UNC5C: variants seen among roughly 807,000 people sequenced by gnomAD.
UNC5C encodes the protein netrin receptor UNC5C.
In UNC5C, 47 loss-of-function variants were observed where a neutral mutation model predicts 99.8. That is an observed-to-expected ratio of 0.47 (90% CI 0.37 to 0.60). UNC5C has a LOEUF of 0.60. UNC5C is among the 20% of genes least tolerant of loss of function. The pLI is 0.00. For missense variants in UNC5C, 1,062 were observed against 1,165.9 expected, an observed-to-expected ratio of 0.91 and a Z score of 1.30; for synonymous variants, 487 against 452.2, an observed-to-expected ratio of 1.08 and a Z score of -0.98.
intron 12 of UNC5C, among the ~76,000 whole-genome samples, chr4:95,188,572 C>G (rs1056723309): frequency 7.9e-5 from 12 of 152,220 alleles, no homozygotes; most frequent in Non-Finnish European, 1.3e-4. Flanking sequence ...GAGATTTACT[C>G]CAGCAGATTC....
At chr4:95,292,472 G>A (rs1741512782) in intron 3 of UNC5C, among the ~76,000 whole-genome samples, 1 of 152,002 alleles carries the variant, frequency 6.6e-6, no homozygotes, top group South Asian at 2.1e-4. Flanking sequence ...GATATTTCTT[G>A]AGTCCCTACA....
At position 95,169,093 on chromosome 4, in the gene UNC5C, G is replaced by T; in HGVS notation, c.*141C>A. On this transcript the variant is annotated 3_prime_UTR_variant, in exon 16 of 16. Transcript: ENST00000453304. The stretch of plus-strand genomic sequence containing the variant: ...GGCATGTACATGGGCAGTTGTATCT[G>T]TTTTCCTTCTGGCTCCTGCTGCAGT... 9.5e-7 allele frequency: 1 copy of T among 1,048,818 alleles called. No homozygotes were observed. The highest frequency in any genetic ancestry group is 1.4e-6 in the Non-Finnish European group (1 of 717,536). The allele number at this position is 1,048,818 out of a possible 1,614,324, so 65.0% of individuals were successfully genotyped here.
At chr4:95,402,234 G>A (rs759224065) in intron 1 of UNC5C, among the ~76,000 whole-genome samples, 4 of 151,938 alleles carry the variant, frequency 2.6e-5, no homozygotes, top group Non-Finnish European at 2.9e-5. Context: ...TTACTCCATT[G>A]GTTCTAATTT....
intron 1 of UNC5C, among the ~76,000 whole-genome samples, chr4:95,386,124 C>G (rs909461336): frequency 5.9e-5 from 9 of 152,150 alleles, no homozygotes; most frequent in Admixed American, 3.3e-4. Flanking sequence ...GGTAATTTTT[C>G]TAATGTTTCT....
At chr4:95,258,746 C>CTTTTTTTTTTTT (rs775570031) in intron 4 of UNC5C, among the ~76,000 whole-genome samples, 28 of 76,042 alleles carry the variant, frequency 3.7e-4, no homozygotes, top group East Asian at 1.1e-3. Flanking sequence ...CCATCTTATT[C>CTTTTTTTTTTTT]TTTTTTTTTT....
At chr4:95,252,976 G>T (rs564799425) in intron 4 of UNC5C, among the ~76,000 whole-genome samples, 11 of 152,288 alleles carry the variant, frequency 7.2e-5, no homozygotes, top group South Asian at 2.1e-4. Flanking sequence ...TGAAACAAAT[G>T]AATTTCATGT....
intron 2 of UNC5C, among the ~76,000 whole-genome samples, chr4:95,319,065 A>AGT (rs1742583947): frequency 6.6e-6 from 1 of 152,182 alleles, no homozygotes; most frequent in South Asian, 2.1e-4. Context: ...CACCAAGTAA[A>AGT]GTATCTAGGT....
chr4:95,325,287 GT>G (rs1219436264), intron 2 of UNC5C, among the ~76,000 whole-genome samples: 1 of 152,094 alleles, frequency 6.6e-6, no homozygotes, highest in Non-Finnish European at 1.5e-5. Flanking sequence ...TTGAACGCTT[GT>G]TTTTTAGGCC....
At chr4:95,198,594 G>T (rs1232566641) in intron 12 of UNC5C, among the ~76,000 whole-genome samples, 1 of 152,148 alleles carries the variant, frequency 6.6e-6, no homozygotes, top group Non-Finnish European at 1.5e-5. Flanking sequence ...AGTACTGGTA[G>T]GGCAGGATCC....
intron 1 of UNC5C, among the ~76,000 whole-genome samples, chr4:95,463,325 G>C (rs1747664542): frequency 6.6e-6 from 1 of 152,156 alleles, no homozygotes; most frequent in African/African-American, 2.4e-5. Context: ...CGTTCAGGAA[G>C]AAGTCGTGGT....
Position 95,423,011 on chromosome 4 carries a change from T to C in UNC5C, c.125-87380A>G, listed in dbSNP as rs371871978. Among the ~76,000 whole-genome samples the C allele has an allele frequency of 2.0e-4, 31 of 152,318 alleles. No homozygotes were observed. The South Asian group carries it at 5.0e-3, about 24-fold the overall frequency. ...ATTTTTGAAAGCTCAGGAACAGCAT[T>C]ATTATTAAATATACATAAAGTGGTG... is the stretch of plus-strand genomic sequence containing the variant. On this transcript the variant is annotated intron_variant, in intron 1 of 15. Transcript: ENST00000453304.
At chr4:95,256,714 A>ATATATATATATATATG (rs1579272889) in intron 4 of UNC5C, among the ~76,000 whole-genome samples, 1 of 127,342 alleles carries the variant, frequency 7.9e-6, no homozygotes, top group South Asian at 2.7e-4. Flanking sequence ...ATATATATAT[A>ATATATATATATATATG]TATATATGAG....
chr4:95,530,140 T>C (rs1722605186), intron 1 of UNC5C, among the ~76,000 whole-genome samples: 1 of 152,196 alleles, frequency 6.6e-6, no homozygotes, highest in South Asian at 2.1e-4. Flanking sequence ...CTGGTAAATT[T>C]CCAGAATAAA....
chr4:95,338,571 T>C (rs1017891476), intron 1 of UNC5C, among the ~76,000 whole-genome samples: 1 of 152,082 alleles, frequency 6.6e-6, no homozygotes, highest in Admixed American at 6.6e-5. Context: ...CAATTGGTTT[T>C]ATAAGACTAT....
At chr4:95,512,166 G>A (rs1431555277) in intron 1 of UNC5C, among the ~76,000 whole-genome samples, 1 of 152,066 alleles carries the variant, frequency 6.6e-6, no homozygotes, top group Non-Finnish European at 1.5e-5. Flanking sequence ...TTAAGTTGGC[G>A]ATAGGAAACA....
At chr4:95,478,067 T>G (rs139257172) in intron 1 of UNC5C, among the ~76,000 whole-genome samples, 1 of 151,872 alleles carries the variant, frequency 6.6e-6, no homozygotes, top group Non-Finnish European at 1.5e-5. Context: ...TATTACTAGG[T>G]TTTTTAGCTC....
chr4:95,505,649 T>C (rs1721897193), intron 1 of UNC5C, among the ~76,000 whole-genome samples: 1 of 152,114 alleles, frequency 6.6e-6, no homozygotes, highest in African/African-American at 2.4e-5. Context: ...ATGAAGCACA[T>C]TGCATTTTTG....
intron 3 of UNC5C, among the ~76,000 whole-genome samples, chr4:95,284,356 C>T (rs1170624282): frequency 2.0e-5 from 3 of 152,050 alleles, no homozygotes; most frequent in African/African-American, 7.2e-5. Flanking sequence ...TATTACTGAA[C>T]AGACTGAGAT....
chr4:95,250,428 T>C (rs1739655462), intron 5 of UNC5C, 59 bp downstream of exon 5: 1 of 1,537,600 alleles, frequency 6.5e-7, no homozygotes, highest in Non-Finnish European at 8.8e-7. Context: ...GCTTTACCGA[T>C]GCCAACGAGA....
Sources: allele counts gnomAD v4.1 joint callset (sites outside exome capture counted in the v4.1 genomes callset), GRCh38; gene constraint gnomAD v4.1.1; transcripts MANE v1.5; gene names NCBI Gene and HGNC (gene_info 2026-07-23, HGNC 2026-07-21).